OTOGL: variants seen among roughly 807,000 people sequenced by gnomAD.
OTOGL encodes the protein otogelin like.
In OTOGL, 285 loss-of-function variants were observed where a neutral mutation model predicts 318.5. The ratio of observed to expected loss-of-function variants is 0.89; its 90% CI spans 0.81 to 0.99. OTOGL has a LOEUF of 0.99. Ranked by LOEUF, OTOGL falls within the 50% of genes least tolerant of loss-of-function variation. OTOGL has a pLI of 0.00. For synonymous variants in OTOGL, 987 were observed against 936.5 expected (o/e 1.05, Z -0.99); for missense variants, 2,899 against 2,845.6 (o/e 1.02, Z -0.43).
At chr12:80,341,000 A>G (rs1888734870) in intron 43 of OTOGL, among the ~76,000 whole-genome samples, 1 of 147,958 alleles carries the variant, frequency 6.8e-6, no homozygotes, top group Non-Finnish European at 1.5e-5. Flanking sequence ...AAGGTGAGGC[A>G]TTGCAACCTT....
intron 57 of OTOGL, 37 bp from the exon 58 acceptor site, chr12:80,377,086 G>A (rs534907891): frequency 2.1e-6 from 3 of 1,411,972 alleles, no homozygotes; most frequent in Admixed American, 1.9e-5. Context: ...ATTTAACGTA[G>A]GCCTTTGATG....
chr12:80,101,417 C>T (rs531467171), intron 1 of OTOGL, among the ~76,000 whole-genome samples: 1 of 152,196 alleles, frequency 6.6e-6, no homozygotes, highest in African/African-American at 2.4e-5. Flanking sequence ...GAACATCCTC[C>T]TTTCTGGCTT....
At chr12:80,375,166 T>C (rs1382292123) in intron 57 of OTOGL, among the ~76,000 whole-genome samples, 2 of 152,148 alleles carry the variant, frequency 1.3e-5, no homozygotes, top group Non-Finnish European at 2.9e-5. Context: ...AAGACTAGGC[T>C]GTGTTGAAGA....
At chr12:80,351,891 T>C (rs1174328097) in intron 44 of OTOGL, among the ~76,000 whole-genome samples, 1 of 152,196 alleles carries the variant, frequency 6.6e-6, no homozygotes, top group African/African-American at 2.4e-5. Flanking sequence ...TTGAGAAGCA[T>C]TTGTAACTTT....
At chr12:80,209,025 A>C (rs1877029223) in intron 1 of OTOGL, among the ~76,000 whole-genome samples, 1 of 152,202 alleles carries the variant, frequency 6.6e-6, no homozygotes, top group African/African-American at 2.4e-5. Context: ...TAAAATTCTA[A>C]AATGCAAAGA....
At chr12:80,331,333 A>ATTTTTTTT (rs386377119) in intron 37 of OTOGL, among the ~76,000 whole-genome samples, 12 of 81,814 alleles carry the variant, frequency 1.5e-4, no homozygotes, top group South Asian at 5.4e-4. Context: ...AGTCATTAGA[A>ATTTTTTTT]TTTTTTTTTT....
chr12:80,337,441 A>T (rs1189110346), intron 42 of OTOGL, among the ~76,000 whole-genome samples: 1 of 152,128 alleles, frequency 6.6e-6, no homozygotes, highest in Non-Finnish European at 1.5e-5. Context: ...TGACATAATT[A>T]AGTTTTTGGT....
chr12:80,150,307 T>C (rs1872707089), intron 1 of OTOGL, among the ~76,000 whole-genome samples: 1 of 152,232 alleles, frequency 6.6e-6, no homozygotes, highest in African/African-American at 2.4e-5. Context: ...TCTATGCAGC[T>C]ACAACAGAAT....
chr12:80,221,728 G>T (rs1165794242), intron 6 of OTOGL, among the ~76,000 whole-genome samples: 2 of 151,994 alleles, frequency 1.3e-5, no homozygotes, highest in Non-Finnish European at 2.9e-5. Flanking sequence ...TAATCTTTAG[G>T]ACACTCAGTG....
chr12:80,150,248 G>T (rs539054063), intron 1 of OTOGL, among the ~76,000 whole-genome samples: 1 of 152,100 alleles, frequency 6.6e-6, no homozygotes, highest in Non-Finnish European at 1.5e-5. Flanking sequence ...CTTCTTTCAA[G>T]AATTATATTT....
Position 80,170,852 on chromosome 12 carries a change from T to C in OTOGL, c.-19-38561T>C, listed in dbSNP as rs180836147. 3.1e-4 allele frequency among the ~76,000 whole-genome samples: 47 copies of C among 152,338 alleles called. 1 individual carries two copies. Among genetic ancestry groups the C allele is most frequent in the Non-Finnish European group, 1.5e-4 (10 of 68,040 alleles). On this transcript the variant is annotated intron_variant, in intron 1 of 58. Transcript: ENST00000547103. The stretch of plus-strand genomic sequence containing the variant: ...TTTAGTCTCTGAACAGTGTTTTTTA[T>C]AGAACAAAATATTTTAATTTAGCTG...
chr12:80,197,296 G>C (rs1422525341), intron 1 of OTOGL, among the ~76,000 whole-genome samples: 1 of 152,044 alleles, frequency 6.6e-6, no homozygotes, highest in Non-Finnish European at 1.5e-5. Flanking sequence ...CCTGTTCTCA[G>C]GGTCTCCTGA....
At chr12:80,370,142 G>A (rs925972823) in intron 55 of OTOGL, among the ~76,000 whole-genome samples, 14 of 151,986 alleles carry the variant, frequency 9.2e-5, no homozygotes, top group East Asian at 5.8e-4. Context: ...GAATAAACAC[G>A]TCTCAAGGAA....
At chr12:80,298,367 CT>C (rs1334720177) in intron 27 of OTOGL, among the ~76,000 whole-genome samples, 1 of 152,082 alleles carries the variant, frequency 6.6e-6, no homozygotes, top group African/African-American at 2.4e-5. Flanking sequence ...CCATTACCTG[CT>C]TGCTCTGTAA....
chr12:80,318,707 G>T lies in OTOGL; in HGVS notation c.3796G>T (p.Val1266Leu). 1 of 1,269,014 alleles carries T rather than the reference G, an allele frequency of 7.9e-7. No individual in the cohort carries two copies. The highest frequency in any genetic ancestry group is 1.0e-6 in the Non-Finnish European group (1 of 990,012). The allele number at this position is 1,269,014 out of a possible 1,614,324, so 78.6% of individuals were successfully genotyped here. Residue 1266 changes from valine to leucine, a missense_variant, in exon 33 of 59, where the codon GTA becomes TTA. By Grantham distance (32) the Val-to-Leu change is conservative (BLOSUM62 1). Coordinates refer to ENST00000547103, the MANE Select transcript of OTOGL (RefSeq NM_001378609.3). The part of the protein sequence containing the change: ...MITPGLFKEK[V>L]SSLALVSLES... ...CACTCCAGGCCTTTTCAAAGAGAAG[G>T]TATCATGTAAGTATAATTGAAAATA...
chr12:80,359,299 A>T (rs1221496484), intron 52 of OTOGL, among the ~76,000 whole-genome samples: 1 of 152,178 alleles, frequency 6.6e-6, no homozygotes, highest in Admixed American at 6.5e-5. Flanking sequence ...TTTCTTCTTA[A>T]GCGTTATCTG....
Position 80,251,463 on chromosome 12 carries a change from A to G in OTOGL, c.1053-230A>G, listed in dbSNP as rs7135708. On this transcript the variant is annotated intron_variant, in intron 11 of 58. Transcript: ENST00000547103. ...AAAGAAAAGTGATAAAATTATTAAA[A>G]TGCTTTGATGAAGATTATTTATCTA... Among the ~76,000 whole-genome samples the G allele has an allele frequency of 0.35, 53,791 of 152,074 alleles. 10,173 individuals carry two copies. Among genetic ancestry groups the G allele is most frequent in the East Asian group, 0.62 (3,189 of 5,170 alleles).
chr12:80,320,730 A>G (rs1278964369), intron 34 of OTOGL, 30 bp downstream of exon 34: 1 of 1,521,910 alleles, frequency 6.6e-7, no homozygotes, highest in East Asian at 2.3e-5. Context: ...CAAAAAGAGA[A>G]CAAATAGGTA....
In OTOGL at chr12:80,320,245, C is replaced by CT. The variant is rs913031386; in HGVS notation, c.3803-167dup. ...GTTATTCACTGAATTTAAAGTACTACTTTTTTTTTTCTTCTTTCAAGCATC... is the reference window on the plus strand; with the variant it reads ...GTTATTCACTGAATTTAAAGTACTACTTTTTTTTTTTCTTCTTTCAAGCATC... On this transcript the variant is annotated intron_variant, in intron 33 of 58. Transcript: ENST00000547103. Among the ~76,000 whole-genome samples the CT allele has an allele frequency of 2.4e-3, 357 of 148,498 alleles. 2 individuals are homozygous for CT. Among genetic ancestry groups the CT allele is most frequent in the African/African-American group, 6.5e-3 (264 of 40,484 alleles).
Sources: allele counts gnomAD v4.1 joint callset (sites outside exome capture counted in the v4.1 genomes callset), GRCh38; gene constraint gnomAD v4.1.1; transcripts MANE v1.5; gene names NCBI Gene and HGNC (gene_info 2026-07-23, HGNC 2026-07-21).